Variants in PRDM8 observed in about 807,000 individuals in gnomAD.
The protein encoded by PRDM8 is PR/SET domain 8.
A neutral mutation model predicts 46.5 loss-of-function variants in PRDM8; 13 were observed. The observed-to-expected ratio is 0.28, with a 90% CI of 0.18 to 0.44. The LOEUF (loss-of-function observed/expected upper bound fraction) is 0.44. PRDM8 is among the 20% of genes least tolerant of loss of function. The pLI is 1.00. For synonymous variants in PRDM8, 473 were observed against 438.4 expected (o/e 1.08, Z -0.98); for missense variants, 998 against 955.0 (o/e 1.04, Z -0.59).
chr4:80,197,266 G>A, upstream of PRDM8: 2 of 982,656 alleles, frequency 2.0e-6, no homozygotes, highest in Non-Finnish European at 2.4e-6. Flanking sequence ...AGCAGTCCCA[G>A]AGGGCCCGAG....
At chr4:80,200,019 G>A (rs978580654) in intron 1 of PRDM8, 60 bp from the exon 2 acceptor site, 73 of 1,404,674 alleles carry the variant, frequency 5.2e-5, no homozygotes, top group Non-Finnish European at 6.4e-5. Flanking sequence ...TTCTGCTTGG[G>A]TTAATGGCGT....
Position 80,202,822 on chromosome 4 carries a change from C to T in PRDM8, c.1360C>T (p.Pro454Ser), listed in dbSNP as rs1738634437. 1.6e-6 allele frequency: 2 copies of T among 1,229,122 alleles called. No individual in the cohort carries two copies. The highest frequency in any genetic ancestry group is 2.0e-6 in the Non-Finnish European group (2 of 989,336). 76.1% of individuals were successfully genotyped at this position (1,229,122 alleles called of 1,614,324 possible). ...PLPSRLEGGS[P>S]ARGSAFTSVP... ...GCCCAGCCGGCTCGAGGGCGGCAGT[C>T]CTGCGAGGGGCAGCGCCTTCACTTC... The change falls in exon 4 of 4, where the codon CCT becomes TCT. Residue 454 changes from proline (P) to serine (S), a missense_variant. Coordinates refer to ENST00000415738, the MANE Select transcript of PRDM8 (RefSeq NM_001099403.2).
In PRDM8 at chr4:80,187,511, G is replaced by A. The variant is rs1051392534; in HGVS notation, c.-983+1993G>A. Among the ~76,000 whole-genome samples the A allele has an allele frequency of 4.5e-4, 69 of 152,144 alleles. 3 individuals carry two copies. The highest frequency in any genetic ancestry group is 4.5e-3 in the Admixed American group (69 of 15,276). On this transcript the variant is annotated intron_variant, in intron 1 of 9. Transcript: ENST00000339711. The stretch of plus-strand genomic sequence containing the variant: ...CTATGGAGATAATTAGGGGATGTCT[G>A]TGAATTTAGGGTTTGGGGCTCCAAA...
At chr4:80,199,934 T>C in intron 1 of PRDM8, 145 bp from the exon 2 acceptor site, 1 of 631,604 alleles carries the variant, frequency 1.6e-6, no homozygotes, top group Non-Finnish European at 2.8e-6. Context: ...GCCATGTTTA[T>C]CTGCTTTAAT....
intron 1 of PRDM8, among the ~76,000 whole-genome samples, chr4:80,189,245 A>T (rs1737358050): frequency 6.6e-6 from 1 of 152,234 alleles, no homozygotes; most frequent in Admixed American, 6.5e-5. Flanking sequence ...CGCCCGGATC[A>T]GCCTTTAACA....
At chr4:80,198,566 A>G (rs1738147299) in intron 1 of PRDM8, among the ~76,000 whole-genome samples, 1 of 152,164 alleles carries the variant, frequency 6.6e-6, no homozygotes, top group Non-Finnish European at 1.5e-5. Flanking sequence ...TTTCTACTTT[A>G]TGGATATTTT....
At chr4:80,201,562 G>T (rs746640769) in intron 3 of PRDM8, 41 bp downstream of exon 3, 3 of 1,583,944 alleles carry the variant, frequency 1.9e-6, no homozygotes, top group East Asian at 2.2e-5. Context: ...CTTAACTAGC[G>T]GGGGAGAGAC....
chr4:80,196,246 T>C, upstream of PRDM8: 1 of 949,358 alleles, frequency 1.1e-6, no homozygotes, highest in Non-Finnish European at 1.3e-6. Context: ...ACAATCCGAT[T>C]TATCCTAATG....
chr4:80,194,403 T>A (rs1737790830), upstream of PRDM8, among the ~76,000 whole-genome samples: 1 of 152,230 alleles, frequency 6.6e-6, no homozygotes, highest in African/African-American at 2.4e-5. Flanking sequence ...GCTGAATAAA[T>A]GCCTCAACCC....
chr4:80,195,756 G>T (rs1012528848), upstream of PRDM8, among the ~76,000 whole-genome samples: 5 of 152,130 alleles, frequency 3.3e-5, no homozygotes, highest in African/African-American at 1.2e-4. Flanking sequence ...TCTTTGAAAA[G>T]TCAGTAGCTA....
At chr4:80,195,786 C>A (rs1022059454), upstream of PRDM8, among the ~76,000 whole-genome samples, 1 of 152,050 alleles carries the variant, frequency 6.6e-6, no homozygotes, top group African/African-American at 2.4e-5. Context: ...CTAAGGGATT[C>A]CCCATTTTCT....
chr4:80,188,012 T>C (rs759507368), intron 1 of PRDM8, among the ~76,000 whole-genome samples: 3 of 152,218 alleles, frequency 2.0e-5, no homozygotes, highest in Non-Finnish European at 4.4e-5. Flanking sequence ...TCAATCCTTT[T>C]ACCTTGTACC....
At chr4:80,196,663 G>A (rs1301944937), upstream of PRDM8, 3 of 968,694 alleles carry the variant, frequency 3.1e-6, no homozygotes, top group Non-Finnish European at 3.7e-6. Flanking sequence ...AGTGCCAACA[G>A]TACCCATTAT....
intron 2 of PRDM8, 37 bp downstream of exon 2, chr4:80,200,336 TA>T: frequency 6.5e-7 from 1 of 1,534,982 alleles, no homozygotes; most frequent in Non-Finnish European, 9.0e-7. Flanking sequence ...TGTATGAGGG[TA>T]ATGTCCTGTT....
chr4:80,189,436 G>A (rs1737376911), intron 1 of PRDM8, among the ~76,000 whole-genome samples: 1 of 152,050 alleles, frequency 6.6e-6, no homozygotes, highest in Admixed American at 6.6e-5. Flanking sequence ...GGGGGTGGGA[G>A]GTGCGCGGTG....
chr4:80,201,850 TGTG>T, intron 3 of PRDM8, 61 bp from the exon 4 acceptor site: 1 of 1,598,652 alleles, frequency 6.3e-7, no homozygotes, highest in East Asian at 2.2e-5. Context: ...TGAGTAATCA[TGTG>T]GTGTGCGTGT....
At chr4:80,196,975 T>C, upstream of PRDM8, 1 of 985,332 alleles carries the variant, frequency 1.0e-6, no homozygotes, top group African/African-American at 1.7e-5. Context: ...GGAAGCTTGG[T>C]AGTGTTGGCG....
rs189110896 is a variant in PRDM8, at chr4:80,192,158, G to T, written c.-885+589G>T. 4.1e-3 allele frequency among the ~76,000 whole-genome samples: 622 copies of T among 152,254 alleles called. 20 individuals are homozygous for T. Among genetic ancestry groups the T allele is most frequent in the Admixed American group, 0.036 (555 of 15,292 alleles). On this transcript the variant is annotated intron_variant, in intron 2 of 9. Coordinates refer to the PRDM8 transcript ENST00000339711. ...TAGACCTCTTTCCCAGAAGAGCCAT[G>T]CTTTCTGCTGCTTTTTCCCCAGCAG...
rs983267326 is a variant in PRDM8 at position 80,201,572 on chromosome 4, C to A, written c.451+51C>A. ...GGGCCCTTAACTAGCGGGGGAGAGA[C>A]GCAGGGAGCGGCAGGGGCTCACCCG... On this transcript the variant is annotated intron_variant, in intron 3 of 3. Transcript: ENST00000415738. 2.6e-6 allele frequency: 4 copies of A among 1,559,604 alleles called. No individual in the cohort carries two copies. The African/African-American group carries it at 4.1e-5, about 16-fold the overall frequency.
Sources: gnomAD v4.1 joint callset for allele counts (sites outside exome capture counted in the v4.1 genomes callset) on GRCh38, gnomAD v4.1.1 for gene constraint, MANE v1.5 for transcripts, NCBI Gene and HGNC (gene_info 2026-07-23, HGNC 2026-07-21) for gene names.